The following ASTN1 variants were observed in gnomAD, a reference collection of about 807,000 sequenced individuals.
The protein encoded by ASTN1 is astrotactin 1.
Under a neutral mutation model 140.7 loss-of-function variants are expected in ASTN1, and 41 were observed. That is an observed-to-expected ratio of 0.29 (90% CI 0.23 to 0.38). The LOEUF (loss-of-function observed/expected upper bound fraction) is 0.38. ASTN1 is among the 10% of genes least tolerant of loss of function. ASTN1 has a pLI of 1.00. For missense variants in ASTN1, 1,479 were observed against 1,678.8 expected, an observed-to-expected ratio of 0.88 and a Z score of 2.08; for synonymous variants, 640 against 652.2, an observed-to-expected ratio of 0.98 and a Z score of 0.29.
intron 1 of ASTN1, among the ~76,000 whole-genome samples, chr1:177,079,665 C>A (rs1389666744): frequency 6.6e-6 from 1 of 151,838 alleles, no homozygotes. Context: ...ATCTAGTATC[C>A]CAAACAATAT....
chr1:176,946,167 C>G, intron 12 of ASTN1, 47 bp from the exon 13 acceptor site: 1 of 1,460,186 alleles, frequency 6.8e-7, no homozygotes. Flanking sequence ...CATCAATGAC[C>G]CATGCAGGCA....
At chr1:177,110,125 T>C (rs138245976) in intron 1 of ASTN1, among the ~76,000 whole-genome samples, 163 of 152,308 alleles carry the variant, frequency 1.1e-3, no homozygotes, top group African/African-American at 3.8e-3. Flanking sequence ...TTTTGAGAGC[T>C]CAAAGTTGGT....
intron 1 of ASTN1, among the ~76,000 whole-genome samples, chr1:177,061,774 G>T (rs1443923658): frequency 6.6e-6 from 1 of 152,168 alleles, no homozygotes; most frequent in South Asian, 2.1e-4. Context: ...GGGCTGGTAG[G>T]TTATTTCTAA....
At chr1:176,870,968 C>T (rs1356822405) in intron 21 of ASTN1, among the ~76,000 whole-genome samples, 3 of 152,188 alleles carry the variant, frequency 2.0e-5, no homozygotes, top group African/African-American at 7.2e-5. Context: ...AAGTTACCTA[C>T]CTGCCCAAGG....
intron 11 of ASTN1, among the ~76,000 whole-genome samples, chr1:176,956,334 G>C (rs755971445): frequency 6.6e-6 from 1 of 152,000 alleles, no homozygotes; most frequent in Non-Finnish European, 1.5e-5. Flanking sequence ...ATAGGTAAAA[G>C]TCTGGGGAGG....
intron 8 of ASTN1, among the ~76,000 whole-genome samples, chr1:176,969,320 T>C (rs528732537): frequency 6.6e-6 from 1 of 152,080 alleles, no homozygotes; most frequent in African/African-American, 2.4e-5. Context: ...CTAAGACACA[T>C]GGTGGAGATG....
At chr1:176,943,208 G>A (rs949180675) in intron 14 of ASTN1, among the ~76,000 whole-genome samples, 3 of 152,070 alleles carry the variant, frequency 2.0e-5, no homozygotes, top group Non-Finnish European at 2.9e-5. Flanking sequence ...TCCTTGGTCC[G>A]GGAGGTGCCA....
At chr1:177,161,894 A>G (rs1647393863) in intron 1 of ASTN1, among the ~76,000 whole-genome samples, 1 of 152,110 alleles carries the variant, frequency 6.6e-6, no homozygotes, top group African/African-American at 2.4e-5. Context: ...CATACCACAC[A>G]ATTAGGTAGG....
intron 1 of ASTN1, among the ~76,000 whole-genome samples, chr1:177,075,645 C>CTTTTCTTTTT (rs1476411974): frequency 1.0e-5 from 1 of 99,540 alleles, no homozygotes; most frequent in Non-Finnish European, 1.9e-5. Context: ...CTTTTCTTTT[C>CTTTTCTTTTT]TTTTTTTTTT....
chr1:177,110,476 C>T (rs1256012395), intron 1 of ASTN1, among the ~76,000 whole-genome samples: 4 of 152,136 alleles, frequency 2.6e-5, no homozygotes, highest in Admixed American at 2.6e-4. Flanking sequence ...GTGTCCCTGA[C>T]ACACAAACCT....
chr1:177,101,368 AG>A (rs1442232669), intron 1 of ASTN1, among the ~76,000 whole-genome samples: 7 of 152,256 alleles, frequency 4.6e-5, no homozygotes, highest in Non-Finnish European at 8.8e-5. Context: ...GCTATTTTTC[AG>A]TGACAATGAA....
intron 1 of ASTN1, among the ~76,000 whole-genome samples, chr1:177,130,722 A>G (rs1412959768): frequency 2.0e-5 from 3 of 152,150 alleles, no homozygotes; most frequent in Non-Finnish European, 4.4e-5. Flanking sequence ...CCCATCGCAC[A>G]CTGTCAAGGG....
intron 8 of ASTN1, among the ~76,000 whole-genome samples, chr1:177,006,200 C>A (rs1674985254): frequency 6.6e-6 from 1 of 152,064 alleles, no homozygotes; most frequent in African/African-American, 2.4e-5. Context: ...AATAATGTAT[C>A]ACAAACATAC....
At chr1:177,025,184 C>T (rs979716056) in intron 5 of ASTN1, among the ~76,000 whole-genome samples, 2 of 152,156 alleles carry the variant, frequency 1.3e-5, no homozygotes, top group Non-Finnish European at 2.9e-5. Flanking sequence ...GGAGGAACTT[C>T]CTGAGCTGGA....
intron 12 of ASTN1, among the ~76,000 whole-genome samples, chr1:176,948,820 C>T (rs1246220326): frequency 6.6e-6 from 1 of 152,126 alleles, no homozygotes; most frequent in African/African-American, 2.4e-5. Flanking sequence ...GAGTTTTAAA[C>T]AATAAAAACC....
chr1:176,956,548 T>C (rs2103127719), intron 11 of ASTN1, among the ~76,000 whole-genome samples: 1 of 152,244 alleles, frequency 6.6e-6, no homozygotes, highest in South Asian at 2.1e-4. Context: ...TGGGGCACCA[T>C]ATCCTCCCCA....
intron 18 of ASTN1, among the ~76,000 whole-genome samples, chr1:176,884,716 G>A (rs983460728): frequency 2.0e-5 from 3 of 152,192 alleles, no homozygotes; most frequent in African/African-American, 7.2e-5. Flanking sequence ...CAGCCAATAA[G>A]TGTAAATAAA....
At chr1:177,118,574 A>G (rs1681211829) in intron 1 of ASTN1, among the ~76,000 whole-genome samples, 1 of 152,216 alleles carries the variant, frequency 6.6e-6, no homozygotes, top group African/African-American at 2.4e-5. Flanking sequence ...TCTTCAAATA[A>G]GCCATTAACA....
In ASTN1 at chr1:177,032,680, C is replaced by T. The variant is rs1676505068; in HGVS notation, c.641G>A (p.Arg214Gln). The T allele has an allele frequency of 6.2e-7, 1 of 1,613,980 alleles. No individual in the cohort carries two copies. The highest frequency in any genetic ancestry group is 8.5e-7 in the Non-Finnish European group (1 of 1,180,034). The change falls in exon 3 of 23, where the codon CGG becomes CAG. Residue 214 changes from arginine (R) to glutamine (Q), a missense_variant. Physicochemically the swap from Arg to Gln is conservative, Grantham distance 43. Coordinates refer to ENST00000361833, the MANE Select transcript of ASTN1 (RefSeq NM_004319.3). ...IPSVLIGGHG[R>Q]ESLRNARVQG... ...CACGCGGGCATTGCGCAGGCTCTCCCGTCCGTGCCCGCCGATCAGCACAGA... is the reference window on the plus strand; with the variant it reads ...CACGCGGGCATTGCGCAGGCTCTCCTGTCCGTGCCCGCCGATCAGCACAGA...
Sources: allele counts gnomAD v4.1 joint callset (sites outside exome capture counted in the v4.1 genomes callset), GRCh38; gene constraint gnomAD v4.1.1; transcripts MANE v1.5; gene names NCBI Gene and HGNC (gene_info 2026-07-23, HGNC 2026-07-21).